Variants in CLC observed in about 807,000 individuals in gnomAD.
The protein encoded by CLC is galectin-10.
A neutral mutation model predicts 13.9 loss-of-function variants in CLC; 15 were observed. The ratio of observed to expected loss-of-function variants is 1.08; its 90% CI spans 0.72 to 1.66. The LOEUF is 1.66. Ranked by LOEUF, CLC falls within the 40% of genes most tolerant of loss-of-function variation. The pLI is 0.00. For missense variants in CLC, 161 were observed against 169.1 expected (o/e 0.95, Z 0.27); for synonymous variants, 68 against 59.9 (o/e 1.14, Z -0.63).
chr19:39,737,149 A>G (rs1017822527), intron 1 of CLC, among the ~76,000 whole-genome samples: 1 of 151,940 alleles, frequency 6.6e-6, no homozygotes, highest in Non-Finnish European at 1.5e-5. Context: ...GGAGACAGGG[A>G]GAGACCTGAG....
At chr19:39,734,539 GCACACACAAGACA>G in intron 2 of CLC, 46 bp from the exon 3 acceptor site, 2 of 1,478,024 alleles carry the variant, frequency 1.4e-6, no homozygotes, top group South Asian at 2.3e-5. Flanking sequence ...TTCTTGTGGG[GCACACACAAGACA>G]CACACACAAG....
intron 1 of CLC, among the ~76,000 whole-genome samples, chr19:39,736,272 C>T (rs904709171): frequency 5.3e-5 from 8 of 152,030 alleles, no homozygotes; most frequent in African/African-American, 1.4e-4. Context: ...AACCCCTGTG[C>T]GTGGGAGGCA....
chr19:39,731,579 C>A, intron 3 of CLC, 74 bp from the exon 4 acceptor site: 1 of 1,482,374 alleles, frequency 6.7e-7, no homozygotes, highest in South Asian at 1.3e-5. Context: ...TCTATGGTGT[C>A]ATAGTACCTG....
At chr19:39,732,332 T>C (rs1366014523) in intron 3 of CLC, among the ~76,000 whole-genome samples, 1 of 104,574 alleles carries the variant, frequency 9.6e-6, no homozygotes, top group Non-Finnish European at 2.0e-5. Flanking sequence ...ATATGCGGTG[T>C]TTGGTTTTTT....
intron 3 of CLC, chr19:39,733,929 G>A (rs1195209779): frequency 1.0e-6 from 1 of 984,382 alleles, no homozygotes; most frequent in Non-Finnish European, 1.2e-6. Context: ...CATCATAAGG[G>A]GAAGATAGAG....
chr19:39,734,104 G>T lies in CLC; in HGVS notation c.303+179C>A, dbSNP rs1193620338. 3 of 981,360 alleles carry T rather than the reference G, an allele frequency of 3.1e-6. No homozygotes were observed. The African/African-American group carries it at 5.3e-5, about 17-fold the overall frequency. The allele number at this position is 981,360 out of a possible 1,614,324, so 60.8% of individuals were successfully genotyped here. ...ATAAAAGTAAAGGGAACCCCTGTGT[G>T]TGTGATAAAAAGCCTGGGACAGGGG... is the stretch of plus-strand genomic sequence containing the variant. On this transcript the variant is annotated intron_variant, in intron 3 of 3. Transcript: ENST00000221804.
chr19:39,731,623 C>G, intron 3 of CLC, 118 bp from the exon 4 acceptor site: 1 of 1,028,436 alleles, frequency 9.7e-7, no homozygotes, highest in Non-Finnish European at 1.4e-6. Flanking sequence ...CATTATATAT[C>G]TGAACCCAGT....
rs138827329 is a variant in CLC, at chr19:39,731,343, C to T, written c.*37G>A. 78 of 1,606,328 alleles carry T rather than the reference C, an allele frequency of 4.9e-5. No homozygotes were observed. In the African/African-American group the frequency reaches 7.8e-4, roughly 16 times the overall value. On this transcript the variant is annotated 3_prime_UTR_variant, in exon 4 of 4. Transcript: ENST00000221804. ...AGCTGGCTTTGGAATCCCAAGTTCA[C>T]GTAGAGACAGGGATTCCTTGGCAAC...
chr19:39,735,010 G>A lies in CLC; in HGVS notation c.79C>T (p.Leu27Phe). The change falls in exon 2 of 4, where the codon CTT becomes TTT. Residue 27 changes from leucine (L) to phenylalanine (F), a missense_variant. Physicochemically the swap from Leu to Phe is conservative, Grantham distance 22. Transcript: ENST00000221804. The part of the protein sequence containing the change: ...GSTVTIKGRP[L>F]ACFLNEPYLQ... ...TGGAGTACTCACAAGAAACAGGCAA[G>A]TGGTCGCCCTTTGATTGTCACAGTA... 1.9e-6 allele frequency: 3 copies of A among 1,612,832 alleles called. No individual in the cohort carries two copies. The highest frequency in any genetic ancestry group is 2.5e-6 in the Non-Finnish European group (3 of 1,178,832).
intron 1 of CLC, among the ~76,000 whole-genome samples, 168 bp from the exon 2 acceptor site, chr19:39,735,241 A>G (rs560390652): frequency 1.3e-5 from 2 of 152,296 alleles, no homozygotes; most frequent in South Asian, 4.1e-4. Flanking sequence ...AATGGGGCCC[A>G]TGGTTAAGAG....
In CLC at chr19:39,737,983, T is replaced by C. The variant is rs912172165; in HGVS notation, c.-31A>G. On this transcript the variant is annotated 5_prime_UTR_variant, in exon 1 of 4. Coordinates refer to ENST00000221804, the MANE Select transcript of CLC (RefSeq NM_001828.6). Reference sequence around the variant, plus strand: ...TCTCCTTCTGGGTGGCTCTTCTGAATTGTGTCCAGACTTCTGTGTGAATCT... The same window carrying C: ...TCTCCTTCTGGGTGGCTCTTCTGAACTGTGTCCAGACTTCTGTGTGAATCT... 4.3e-6 allele frequency: 7 copies of C among 1,610,920 alleles called. No homozygotes were observed. The highest frequency in any genetic ancestry group is 5.9e-6 in the Non-Finnish European group (7 of 1,177,734).
At chr19:39,733,649 T>C (rs977479805) in intron 3 of CLC, among the ~76,000 whole-genome samples, 1 of 152,228 alleles carries the variant, frequency 6.6e-6, no homozygotes, top group Non-Finnish European at 1.5e-5. Context: ...TTCTCCAATA[T>C]ATATTCTTTG....
At chr19:39,735,379 A>C (rs1012179468) in intron 1 of CLC, among the ~76,000 whole-genome samples, 2 of 152,188 alleles carry the variant, frequency 1.3e-5, no homozygotes, top group East Asian at 3.9e-4. Flanking sequence ...GCTGTAGTGA[A>C]CTGGCACAAT....
intron 1 of CLC, among the ~76,000 whole-genome samples, chr19:39,736,597 A>G (rs2144919806): frequency 6.6e-6 from 1 of 152,166 alleles, no homozygotes; most frequent in East Asian, 1.9e-4. Context: ...CAACATGGAG[A>G]AACCCCATCT....
chr19:39,733,115 C>G (rs7249657), intron 3 of CLC, among the ~76,000 whole-genome samples: 88,515 of 135,138 alleles, frequency 0.65, 29,963 homozygotes, highest in African/African-American at 0.76. Context: ...AGTGGGCGAA[C>G]GACATGAACA....
In CLC at chr19:39,735,040, C is replaced by T. The variant is rs762642420; in HGVS notation, c.49G>A (p.Gly17Ser). The change falls in exon 2 of 4, where the codon GGT (glycine) becomes AGT (serine). Residue 17 changes from glycine to serine, a missense_variant. Transcript: ENST00000221804. ...CGCCCTTTGATTGTCACAGTAGAAC[C>T]AGTAGACAAAGAGGCAGCCTCTGTG... ...PYTEAASLST[G>S]STVTIKGRPL... 1 of 1,613,778 alleles carries T rather than the reference C, an allele frequency of 6.2e-7. No homozygotes were observed. The highest frequency in any genetic ancestry group is 1.1e-5 in the South Asian group (1 of 91,082).
chr19:39,733,704 T>G (rs1967262162), intron 3 of CLC, among the ~76,000 whole-genome samples: 1 of 152,062 alleles, frequency 6.6e-6, no homozygotes, highest in Non-Finnish European at 1.5e-5. Flanking sequence ...TGTAGGGACA[T>G]TGATACCAGC....
chr19:39,731,566 C>T (rs1159587680), intron 3 of CLC, 61 bp from the exon 4 acceptor site: 16 of 1,541,262 alleles, frequency 1.0e-5, no homozygotes, highest in South Asian at 5.0e-5. Context: ...TTTCAGCCTG[C>T]TCTCTATGGT....
rs1310359246 is a variant in CLC, at chr19:39,734,307, G to A, written c.279C>T (p.Ile93=). The A allele has an allele frequency of 3.7e-6, 6 of 1,613,794 alleles. No homozygotes were observed. The highest frequency in any genetic ancestry group is 5.1e-6 in the Non-Finnish European group (6 of 1,179,976). ...FQDGQEFELS[I]SVLPDKYQVM... is the part of the protein sequence containing the mutation. Reference sequence around the variant, plus strand: ...CCTGGTACTTATCTGGCAGCACTGAGATGCTCAGTTCAAATTCTTGGCCAT... The same window carrying A: ...CCTGGTACTTATCTGGCAGCACTGAAATGCTCAGTTCAAATTCTTGGCCAT... Residue 93 remains isoleucine (I), a synonymous_variant, in exon 3 of 4, where the codon ATC becomes ATT. Transcript: ENST00000221804.
Sources: gnomAD v4.1 joint callset for allele counts (sites outside exome capture counted in the v4.1 genomes callset) on GRCh38, gnomAD v4.1.1 for gene constraint, MANE v1.5 for transcripts, NCBI Gene and HGNC (gene_info 2026-07-23, HGNC 2026-07-21) for gene names.